SEL1L2: variants seen among roughly 807,000 people sequenced by gnomAD.
SEL1L2 encodes the protein protein sel-1 homolog 2.
In SEL1L2, 89 loss-of-function variants were observed where a neutral mutation model predicts 98.8. That is an observed-to-expected ratio of 0.90 (90% CI 0.76 to 1.07). SEL1L2 has a LOEUF of 1.07. Ranked by LOEUF, SEL1L2 falls within the 50% of genes least tolerant of loss-of-function variation. SEL1L2 has a pLI of 0.00. For synonymous variants in SEL1L2, 262 were observed against 278.5 expected, an observed-to-expected ratio of 0.94 and a Z score of 0.59; for missense variants, 788 against 812.0, an observed-to-expected ratio of 0.97 and a Z score of 0.36.
intron 17 of SEL1L2, among the ~76,000 whole-genome samples, chr20:13,860,720 T>G (rs990387107): frequency 1.3e-5 from 2 of 152,100 alleles, no homozygotes; most frequent in Non-Finnish European, 2.9e-5. Context: ...CCATCTCAAC[T>G]CTTTCTCTGG....
At chr20:13,968,690 G>A (rs1569060599) in intron 1 of SEL1L2, among the ~76,000 whole-genome samples, 1 of 152,206 alleles carries the variant, frequency 6.6e-6, no homozygotes, top group Non-Finnish European at 1.5e-5. Flanking sequence ...CAGAATAAAT[G>A]TAGAATAACT....
intron 18 of SEL1L2, among the ~76,000 whole-genome samples, chr20:13,852,733 G>C (rs1019315009): frequency 6.6e-6 from 1 of 152,182 alleles, no homozygotes; most frequent in African/African-American, 2.4e-5. Context: ...CCAATATTCA[G>C]ATGTTCAAAA....
chr20:13,905,840 T>C (rs1385006710), intron 5 of SEL1L2, among the ~76,000 whole-genome samples: 1 of 151,824 alleles, frequency 6.6e-6, no homozygotes, highest in East Asian at 1.9e-4. Context: ...GCTCAGCAAA[T>C]TGTTTGTAAG....
chr20:13,862,615 AT>A (rs1252430663), intron 17 of SEL1L2, among the ~76,000 whole-genome samples: 1 of 152,144 alleles, frequency 6.6e-6, no homozygotes, highest in Non-Finnish European at 1.5e-5. Context: ...CTTCAAAAAG[AT>A]GTAATACCAT....
intron 3 of SEL1L2, among the ~76,000 whole-genome samples, chr20:13,926,134 C>T (rs561576856): frequency 3.5e-4 from 53 of 152,184 alleles, no homozygotes; most frequent in East Asian, 2.7e-3. Flanking sequence ...CTGGCTAGTA[C>T]GGTGAAACCG....
intron 6 of SEL1L2, among the ~76,000 whole-genome samples, 193 bp from the exon 7 acceptor site, chr20:13,888,194 T>C (rs2047043834): frequency 6.6e-6 from 1 of 152,134 alleles, no homozygotes; most frequent in African/African-American, 2.4e-5. Context: ...ATCTCTGGAG[T>C]CTGTGATAAG....
chr20:13,900,674 C>T (rs1197638497), intron 5 of SEL1L2, among the ~76,000 whole-genome samples: 1 of 152,164 alleles, frequency 6.6e-6, no homozygotes, highest in Non-Finnish European at 1.5e-5. Flanking sequence ...GCCAGGACTC[C>T]CTCTCTACAC....
Position 13,849,412 on chromosome 20 carries a change from G to A in SEL1L2, c.*73C>T, listed in dbSNP as rs1332370486. 2 of 1,565,688 alleles carry A rather than the reference G, an allele frequency of 1.3e-6. No individual in the cohort carries two copies. The highest frequency in any genetic ancestry group is 1.4e-5 in the African/African-American group (1 of 73,958). On this transcript the variant is annotated 3_prime_UTR_variant, in exon 20 of 20. Coordinates refer to ENST00000284951, the MANE Select transcript of SEL1L2 (RefSeq NM_025229.2). ...TGCAGCGGACTCTTGATTTGGATGGGAAACTGTTTATTTAGTGGGGATACC... is the reference window on the plus strand; with the variant it reads ...TGCAGCGGACTCTTGATTTGGATGGAAAACTGTTTATTTAGTGGGGATACC...
chr20:13,979,914 A>G (rs1448487732), intron 1 of SEL1L2, among the ~76,000 whole-genome samples: 1 of 152,202 alleles, frequency 6.6e-6, no homozygotes, highest in African/African-American at 2.4e-5. Flanking sequence ...AATAAATTGA[A>G]CAGACAACCC....
chr20:13,930,292 T>C (rs2049087609), intron 3 of SEL1L2, among the ~76,000 whole-genome samples: 2 of 152,220 alleles, frequency 1.3e-5, no homozygotes, highest in Admixed American at 1.3e-4. Flanking sequence ...AATCCGGGTC[T>C]CTGCAGGCTG....
At chr20:13,983,219 A>C (rs1434130962) in intron 1 of SEL1L2, among the ~76,000 whole-genome samples, 1 of 152,018 alleles carries the variant, frequency 6.6e-6, no homozygotes, top group Non-Finnish European at 1.5e-5. Flanking sequence ...GAAATAACTC[A>C]GTAACTTTTT....
intron 18 of SEL1L2, among the ~76,000 whole-genome samples, chr20:13,856,549 A>T (rs543505383): frequency 6.6e-6 from 1 of 152,054 alleles, no homozygotes; most frequent in African/African-American, 2.4e-5. Flanking sequence ...TGATGCAGTC[A>T]CTCCCATTAT....
In SEL1L2 at chr20:13,851,892, G is replaced by A. The variant is rs142198665; in HGVS notation, c.1819-1573C>T. ...GGGGGTGATGTCTTCTCTCAGCTGT[G>A]TTCTGCTTATTATAGCTTAAATATT... On this transcript the variant is annotated intron_variant, in intron 18 of 19. Coordinates refer to ENST00000284951, the MANE Select transcript of SEL1L2 (RefSeq NM_025229.2). Among the ~76,000 whole-genome samples, 169 of 152,212 alleles carry A rather than the reference G, an allele frequency of 1.1e-3. 1 individual carries two copies. The highest frequency in any genetic ancestry group is 3.4e-3 in the African/African-American group (143 of 41,542).
At chr20:13,851,721 G>T (rs979195486) in intron 18 of SEL1L2, among the ~76,000 whole-genome samples, 2 of 152,086 alleles carry the variant, frequency 1.3e-5, no homozygotes, top group African/African-American at 4.8e-5. Flanking sequence ...GGGTGCCCAT[G>T]GGCTATTTTC....
chr20:13,922,052 G>T (rs887761403), intron 3 of SEL1L2, among the ~76,000 whole-genome samples: 1 of 152,032 alleles, frequency 6.6e-6, no homozygotes, highest in Non-Finnish European at 1.5e-5. Flanking sequence ...AATTGATATT[G>T]CTTTTGATTC....
intron 5 of SEL1L2, among the ~76,000 whole-genome samples, chr20:13,910,327 T>C (rs1235365704): frequency 6.6e-6 from 1 of 152,192 alleles, no homozygotes; most frequent in African/African-American, 2.4e-5. Flanking sequence ...ATTTTTCAGT[T>C]CTTATGGCAA....
intron 6 of SEL1L2, 151 bp downstream of exon 6, chr20:13,888,308 T>C (rs1033058946): frequency 6.1e-6 from 4 of 654,608 alleles, no homozygotes; most frequent in East Asian, 2.8e-5. Flanking sequence ...AAGAAACTTA[T>C]GGCATAAGAA....
At chr20:13,914,012 A>G (rs1379092352) in intron 4 of SEL1L2, 68 bp from the exon 5 acceptor site, 2 of 1,340,876 alleles carry the variant, frequency 1.5e-6, no homozygotes, top group Admixed American at 2.7e-5. Flanking sequence ...CTTCAACACT[A>G]TTCATACTAC....
At chr20:13,877,780 TGAG>T (rs1054257280) in intron 10 of SEL1L2, among the ~76,000 whole-genome samples, 192 bp from the exon 11 acceptor site, 2 of 152,222 alleles carry the variant, frequency 1.3e-5, no homozygotes, top group African/African-American at 4.8e-5. Context: ...AACCATAACC[TGAG>T]GAGTGGGAGA....
Sources: gnomAD v4.1 joint callset for allele counts (sites outside exome capture counted in the v4.1 genomes callset) on GRCh38, gnomAD v4.1.1 for gene constraint, MANE v1.5 for transcripts, NCBI Gene and HGNC (gene_info 2026-07-23, HGNC 2026-07-21) for gene names.